The following INPP4B variants were observed in gnomAD, a reference collection of about 807,000 sequenced individuals.
INPP4B encodes the protein inositol polyphosphate-4-phosphatase type II B, also known as inositol polyphosphate 4-phosphatase type II.
INPP4B carries 55 observed loss-of-function variants against 122.5 expected under a neutral mutation model. That is an observed-to-expected ratio of 0.45 (90% CI 0.36 to 0.56). The LOEUF (loss-of-function observed/expected upper bound fraction) is 0.56. Ranked by LOEUF, INPP4B falls within the 20% of genes least tolerant of loss-of-function variation. The pLI, the probability that INPP4B is intolerant of heterozygous loss-of-function variation, is 0.00. For synonymous variants in INPP4B, 403 were observed against 388.7 expected (o/e 1.04, Z -0.43); for missense variants, 1,000 against 1,097.7 (o/e 0.91, Z 1.26).
intron 7 of INPP4B, among the ~76,000 whole-genome samples, chr4:142,368,708 GAA>G (rs78401519): frequency 1.8e-4 from 27 of 146,850 alleles, no homozygotes; most frequent in East Asian, 6.0e-4. Flanking sequence ...AAATTAATAG[GAA>G]AAAAAAAAAA....
rs1005062221 is a variant in INPP4B at position 142,846,299 on chromosome 4, C to G, written c.-344G>C. On this transcript the variant is annotated 5_prime_UTR_variant, in exon 1 of 26. Transcript: ENST00000262992. This position sits in a 1 kb window ranked among gnomAD's most constrained non-coding sequence, Gnocchi z 5.1. ...TCGCTTGCGAGCGTGTGAGCGTGTG[C>G]GCGCCCAGGAGGAGCTGTAACCTGC... The G allele has an allele frequency of 6.6e-6, 1 of 152,406 alleles. No individual in the cohort carries two copies. The highest frequency in any genetic ancestry group is 6.5e-5 in the Admixed American group (1 of 15,290). The allele number at this position is 152,406 out of a possible 1,614,324, so 9.4% of individuals were successfully genotyped here.
chr4:142,116,015 G>T (rs1029224499), intron 21 of INPP4B, among the ~76,000 whole-genome samples: 8 of 152,096 alleles, frequency 5.3e-5, no homozygotes, highest in African/African-American at 1.9e-4. Context: ...TGCAATCCTA[G>T]TCTCTGATAA....
chr4:142,377,308 T>A (rs1424584916), intron 7 of INPP4B, among the ~76,000 whole-genome samples: 3 of 151,534 alleles, frequency 2.0e-5, no homozygotes, highest in Non-Finnish European at 2.9e-5. Context: ...GGAAGCAAAG[T>A]AGGATTGTGA....
intron 12 of INPP4B, among the ~76,000 whole-genome samples, chr4:142,212,793 G>A (rs1561499564): frequency 6.6e-6 from 1 of 152,072 alleles, no homozygotes; most frequent in East Asian, 1.9e-4. Context: ...ACCACAAGTG[G>A]ATCACTGCTA....
At chr4:142,373,839 GCAAA>G (rs1449652295) in intron 7 of INPP4B, among the ~76,000 whole-genome samples, 1 of 151,860 alleles carries the variant, frequency 6.6e-6, no homozygotes, top group African/African-American at 2.4e-5. Context: ...TATTGTTAAA[GCAAA>G]CAAACAAAAA....
intron 2 of INPP4B, among the ~76,000 whole-genome samples, chr4:142,621,513 C>T (rs1276567112): frequency 1.3e-5 from 2 of 151,756 alleles, no homozygotes; most frequent in African/African-American, 4.8e-5. Flanking sequence ...GTATTTAATA[C>T]TAATATAAGA....
At chr4:142,300,693 T>TA (rs1266304892) in intron 9 of INPP4B, among the ~76,000 whole-genome samples, 6 of 152,144 alleles carry the variant, frequency 3.9e-5, no homozygotes, top group East Asian at 1.9e-4. Context: ...AGGAGAAATT[T>TA]AAAAAACAGT....
At chr4:142,471,405 A>G (rs1818803247) in intron 2 of INPP4B, among the ~76,000 whole-genome samples, 2 of 152,196 alleles carry the variant, frequency 1.3e-5, no homozygotes, top group African/African-American at 4.8e-5. Flanking sequence ...GGCTGTCCAA[A>G]ACATTTGGAA....
At chr4:142,051,900 C>A (rs76764128) in intron 25 of INPP4B, among the ~76,000 whole-genome samples, 5,590 of 152,042 alleles carry the variant, frequency 0.037, 172 homozygotes, top group African/African-American at 0.08. Context: ...AGGATAAAAT[C>A]TAGGGTTCTC....
rs757724085 is a variant in INPP4B at position 142,124,657 on chromosome 4, C to T, written c.1824G>A (p.Gln608=). The change falls in exon 19 of 26, where the codon CAG becomes CAA. Residue 608 remains glutamine, a synonymous_variant. Transcript: ENST00000262992. ...ACTGGGGCAAGCTGTACGCAAGTTC[C>T]TGAAGGAGCACAAATGTCAGGGACT... ...AKQSLTFVLL[Q]ELAYSLPQCL... is the part of the protein sequence containing the mutation. 4.3e-6 allele frequency: 7 copies of T among 1,613,492 alleles called. No individual in the cohort carries two copies. Among genetic ancestry groups the T allele is most frequent in the Non-Finnish European group, 5.9e-6 (7 of 1,179,658 alleles).
intron 2 of INPP4B, among the ~76,000 whole-genome samples, chr4:142,545,795 G>GTA (rs1211860824): frequency 1.9e-5 from 2 of 107,514 alleles, no homozygotes; most frequent in Non-Finnish European, 2.0e-5. Context: ...ATATATGTGT[G>GTA]TATATATATA....
At chr4:142,544,268 A>G (rs1323960900) in intron 2 of INPP4B, among the ~76,000 whole-genome samples, 2 of 152,030 alleles carry the variant, frequency 1.3e-5, no homozygotes, top group African/African-American at 4.8e-5. Context: ...GTTAGAATCA[A>G]TCTGGCTCTC....
chr4:142,264,962 T>TTC (rs1323412514), intron 10 of INPP4B, among the ~76,000 whole-genome samples: 11 of 149,176 alleles, frequency 7.4e-5, no homozygotes, highest in Non-Finnish European at 1.2e-4. Flanking sequence ...TCCTCTCTCT[T>TTC]TCTCTCTCTC....
intron 5 of INPP4B, among the ~76,000 whole-genome samples, chr4:142,413,531 G>C (rs1442635925): frequency 8.6e-5 from 13 of 152,014 alleles, no homozygotes; most frequent in Admixed American, 7.9e-4. Flanking sequence ...CCATATTTTA[G>C]GGTTTTTATT....
At position 142,634,501 on chromosome 4, in the gene INPP4B, TC is replaced by T. The variant is rs946023000; in HGVS notation, c.-191+91337del. Among the ~76,000 whole-genome samples, 19 of 152,210 alleles carry T rather than the reference TC, an allele frequency of 1.2e-4. No homozygotes were observed. In the South Asian group the frequency reaches 2.3e-3, roughly 18 times the overall value. On this transcript the variant is annotated intron_variant, in intron 2 of 25. Transcript: ENST00000262992. ...AAATTATAATACAACACAACCAAGT[TC>T]AACCAAGGAATGCAAGGTGAGCTTA...
intron 9 of INPP4B, among the ~76,000 whole-genome samples, chr4:142,300,432 GTA>G (rs1760910267): frequency 6.6e-6 from 1 of 152,098 alleles, no homozygotes; most frequent in Non-Finnish European, 1.5e-5. Context: ...TGAACTTTGT[GTA>G]TGTTCATGTG....
chr4:142,602,326 C>CAG (rs1339957462), intron 2 of INPP4B, among the ~76,000 whole-genome samples: 12 of 152,010 alleles, frequency 7.9e-5, no homozygotes, highest in African/African-American at 2.9e-4. Flanking sequence ...TCAAAGAAAT[C>CAG]AGAGAGGACA....
chr4:142,204,190 G>A (rs1214705147), intron 14 of INPP4B, among the ~76,000 whole-genome samples: 4 of 151,990 alleles, frequency 2.6e-5, no homozygotes, highest in African/African-American at 9.7e-5. Flanking sequence ...ACATGTAGTT[G>A]GTGACCTAGT....
chr4:142,290,360 C>T (rs1035022063), intron 9 of INPP4B, among the ~76,000 whole-genome samples: 2 of 151,950 alleles, frequency 1.3e-5, no homozygotes, highest in African/African-American at 4.8e-5. Context: ...GCACCTGCCA[C>T]TGCTCTGGGC....
Sources: gnomAD v4.1 joint callset for allele counts (sites outside exome capture counted in the v4.1 genomes callset) on GRCh38, gnomAD v4.1.1 for gene constraint, Gnocchi (gnomAD v3.1) non-coding constraint, MANE v1.5 for transcripts, NCBI Gene and HGNC (gene_info 2026-07-23, HGNC 2026-07-21) for gene names.